The following IKZF2 variants were observed in gnomAD, a reference collection of about 807,000 sequenced individuals.
IKZF2 encodes the protein zinc finger protein Helios.
A neutral mutation model predicts 49.2 loss-of-function variants in IKZF2; 15 were observed. The observed-to-expected ratio is 0.30, with a 90% CI of 0.20 to 0.47. The LOEUF (loss-of-function observed/expected upper bound fraction) is 0.47, where lower values mean the gene tolerates loss of function less well. Ranked by LOEUF, IKZF2 falls within the 20% of genes least tolerant of loss-of-function variation. The probability of loss-of-function intolerance (pLI) is 1.00; values close to 1 mark genes in which losing one functional copy is unlikely to be tolerated. For synonymous variants in IKZF2, 227 were observed against 221.4 expected (o/e 1.03, Z -0.23); for missense variants, 567 against 664.6 (o/e 0.85, Z 1.61).
At chr2:213,149,490 C>T (rs369858802) in intron 2 of IKZF2, among the ~76,000 whole-genome samples, 8 of 152,126 alleles carry the variant, frequency 5.3e-5, no homozygotes, top group African/African-American at 1.9e-4. Context: ...GATAATCTAA[C>T]TGTATTCTGT....
At chr2:213,073,682 C>G (rs1702947155) in intron 4 of IKZF2, among the ~76,000 whole-genome samples, 1 of 152,120 alleles carries the variant, frequency 6.6e-6, no homozygotes, top group Non-Finnish European at 1.5e-5. Flanking sequence ...TCCAACGAAT[C>G]AGAAGTCCAT....
At chr2:213,145,025 C>T (rs77956496) in intron 4 of IKZF2, among the ~76,000 whole-genome samples, 4,066 of 151,876 alleles carry the variant, frequency 0.027, 89 homozygotes, top group African/African-American at 0.064. Context: ...GCAAGTTGCA[C>T]AGAAACCCTT....
intron 5 of IKZF2, among the ~76,000 whole-genome samples, chr2:213,051,240 A>G (rs1700646063): frequency 6.6e-6 from 1 of 152,030 alleles, no homozygotes; most frequent in Non-Finnish European, 1.5e-5. Context: ...ATTCTATCAT[A>G]TAGATTTGTT....
chr2:213,021,791 T>C, intron 7 of IKZF2: 1 of 619,206 alleles, frequency 1.6e-6, no homozygotes, highest in South Asian at 1.8e-5. Flanking sequence ...GTTGTCATTA[T>C]TATGCTAATT....
intron 4 of IKZF2, chr2:213,081,367 G>C (rs1437323964): frequency 6.5e-6 from 1 of 152,754 alleles, no homozygotes; most frequent in Non-Finnish European, 1.5e-5. Flanking sequence ...CAGGTGATTG[G>C]CAATGATCCA....
rs1007268615 is a variant in IKZF2 at position 213,003,694 on chromosome 2, T to C, written c.*3666A>G. On this transcript the variant is annotated 3_prime_UTR_variant, in exon 9 of 9. Transcript: ENST00000434687. The stretch of plus-strand genomic sequence containing the variant: ...TTTTCATCTAAATGCCTTAATCTGA[T>C]GTAAATTTTGTTAAACATTTATAAA... 2 of 151,746 alleles carry C rather than the reference T, an allele frequency of 1.3e-5. No individual in the cohort carries two copies. Among genetic ancestry groups the C allele is most frequent in the African/African-American group, 2.4e-5 (1 of 41,404 alleles). The allele number at this position is 151,746 out of a possible 1,614,324, so 9.4% of individuals were successfully genotyped here. A position where few individuals can be genotyped will look rare whatever the true frequency, so the allele number is the denominator to read the frequency against.
chr2:213,049,653 A>G (rs1700496767), intron 6 of IKZF2, 60 bp downstream of exon 6: 11 of 1,314,798 alleles, frequency 8.4e-6, no homozygotes, highest in South Asian at 5.1e-5. Flanking sequence ...CTATCATTCA[A>G]TAGTACTCTT....
chr2:213,089,226 A>G (rs1252177205), intron 4 of IKZF2, among the ~76,000 whole-genome samples: 2 of 152,146 alleles, frequency 1.3e-5, no homozygotes, highest in African/African-American at 4.8e-5. Flanking sequence ...TGCCGCTTCC[A>G]ATCCATCAGC....
rs766925171 is a variant in IKZF2, at chr2:213,008,007, T to C, written c.934A>G (p.Met312Val). The change falls in exon 9 of 9, where the codon ATG (methionine) becomes GTG (valine). Residue 312 changes from methionine to valine, a missense_variant. Met to Val is a conservative substitution (Grantham distance 21). Around this residue, in one of 5 missense-constraint regions of IKZF2, gnomAD observed 310 missense variants for 326.9 expected, o/e 0.95. Coordinates refer to ENST00000434687, the MANE Select transcript of IKZF2 (RefSeq NM_001387220.1). ...GCTTGGTCCATCATATGAGACTGCATCAGCTCAGCCTCCTTCTCATATGTT... is the reference window on the plus strand; with the variant it reads ...GCTTGGTCCATCATATGAGACTGCACCAGCTCAGCCTCCTTCTCATATGTT... ...NLTYEKEAELMQSHMMDQAIN... is the reference protein window; with the variant it reads ...NLTYEKEAELVQSHMMDQAIN... The C allele has an allele frequency of 6.2e-7, 1 of 1,613,252 alleles. No individual in the cohort carries two copies. Among genetic ancestry groups the C allele is most frequent in the Non-Finnish European group, 8.5e-7 (1 of 1,179,654 alleles).
chr2:213,064,613 A>G (rs907146809), intron 4 of IKZF2, among the ~76,000 whole-genome samples: 9 of 152,078 alleles, frequency 5.9e-5, no homozygotes, highest in Non-Finnish European at 1.2e-4. Flanking sequence ...TATACAATGC[A>G]GAGAAAATAA....
intron 6 of IKZF2, among the ~76,000 whole-genome samples, chr2:213,027,439 C>CATCTGG (rs1210845668): frequency 1.3e-5 from 2 of 152,058 alleles, no homozygotes; most frequent in Admixed American, 1.3e-4. Context: ...GTGCCACTTA[C>CATCTGG]CCCTTCCTCT....
At chr2:213,014,310 T>G (rs566904268) in intron 7 of IKZF2, 1 of 155,764 alleles carries the variant, frequency 6.4e-6, no homozygotes, top group African/African-American at 2.4e-5. Flanking sequence ...AAAAAACAAT[T>G]TAAGTAAGTC....
At chr2:213,069,500 C>A (rs931250559) in intron 4 of IKZF2, among the ~76,000 whole-genome samples, 2 of 152,084 alleles carry the variant, frequency 1.3e-5, no homozygotes, top group African/African-American at 4.8e-5. Context: ...TAGCAGGTTG[C>A]CTTTGTTCAA....
chr2:213,131,661 T>C (rs776290013), intron 4 of IKZF2, among the ~76,000 whole-genome samples: 158 of 152,172 alleles, frequency 1.0e-3, no homozygotes, highest in Non-Finnish European at 2.9e-4. Context: ...CAATGTAGTA[T>C]TGTTTGAATG....
chr2:213,148,490 AAG>A, intron 3 of IKZF2, 104 bp downstream of exon 3: 2 of 749,930 alleles, frequency 2.7e-6, no homozygotes, highest in Non-Finnish European at 2.3e-6. Context: ...AGAGAGAAAA[AAG>A]AGTACAGAAT....
chr2:213,100,160 T>C (rs868593413), intron 4 of IKZF2, among the ~76,000 whole-genome samples: 56 of 152,190 alleles, frequency 3.7e-4, no homozygotes, highest in African/African-American at 1.3e-3. Context: ...TTTTTTAAAT[T>C]TCTAATTCAT....
intron 4 of IKZF2, among the ~76,000 whole-genome samples, chr2:213,128,612 G>A (rs1280339192): frequency 6.8e-6 from 1 of 147,182 alleles, no homozygotes; most frequent in Non-Finnish European, 1.5e-5. Flanking sequence ...AGAGTCAGAA[G>A]ATAAGGTTTT....
chr2:213,014,528 C>A (rs1049848658), intron 7 of IKZF2: 1 of 151,928 alleles, frequency 6.6e-6, no homozygotes, highest in African/African-American at 2.4e-5. Flanking sequence ...ACTGTGGCAG[C>A]TTTATGATTG....
At chr2:213,096,122 A>C (rs966658091) in intron 4 of IKZF2, among the ~76,000 whole-genome samples, 1 of 151,976 alleles carries the variant, frequency 6.6e-6, no homozygotes, top group African/African-American at 2.4e-5. Flanking sequence ...CCATTCACTA[A>C]GGATATGTTA....
Sources: allele counts gnomAD v4.1 joint callset (sites outside exome capture counted in the v4.1 genomes callset), GRCh38; gene constraint gnomAD v4.1.1; regional missense constraint gnomAD v4.1.1; transcripts MANE v1.5; gene names NCBI Gene and HGNC (gene_info 2026-07-23, HGNC 2026-07-21).